ARHGAP26: variants seen among roughly 807,000 people sequenced by gnomAD.
The protein encoded by ARHGAP26 is rho GTPase-activating protein 26.
A neutral mutation model predicts 104.8 loss-of-function variants in ARHGAP26; 38 were observed. The observed-to-expected ratio is 0.36, with a 90% confidence interval of 0.28 to 0.48. The LOEUF is 0.48. Ranked by LOEUF, ARHGAP26 falls within the 20% of genes least tolerant of loss-of-function variation. The probability of loss-of-function intolerance (pLI) is 0.99; values close to 1 mark genes in which losing one functional copy is unlikely to be tolerated. For missense variants in ARHGAP26, 704 were observed against 947.9 expected, an observed-to-expected ratio of 0.74 and a Z score of 3.38; for synonymous variants, 341 against 340.0, an observed-to-expected ratio of 1.00 and a Z score of -0.03.
At chr5:143,003,578 A>C (rs964843243) in intron 11 of ARHGAP26, among the ~76,000 whole-genome samples, 3 of 152,222 alleles carry the variant, frequency 2.0e-5, no homozygotes, top group Admixed American at 6.5e-5. Context: ...ATAAGAATGA[A>C]AAATTTTATT....
At chr5:142,984,389 C>T (rs1305502216) in intron 11 of ARHGAP26, among the ~76,000 whole-genome samples, 3 of 152,202 alleles carry the variant, frequency 2.0e-5, no homozygotes, top group African/African-American at 7.2e-5. Flanking sequence ...AGCTGTCACA[C>T]TTGTTTCTAA....
chr5:143,102,427 G>T (rs1177670961), intron 17 of ARHGAP26, among the ~76,000 whole-genome samples: 1 of 152,166 alleles, frequency 6.6e-6, no homozygotes, highest in Non-Finnish European at 1.5e-5. Context: ...GTGCTTGTTT[G>T]ACTCTCCTAG....
In ARHGAP26 at chr5:142,875,466, G is replaced by C. The variant is rs533006130; in HGVS notation, c.312+295G>C. ...ATCTTTTGAATTATTTCACTTTTTT[G>C]GGCGTCGGATTCTCTACCAGCAGAA... On this transcript the variant is annotated intron_variant, in intron 3 of 22. Coordinates refer to ENST00000645722, the MANE Select transcript of ARHGAP26 (RefSeq NM_001135608.3). Among the ~76,000 whole-genome samples the C allele has an allele frequency of 8.6e-5, 13 of 151,994 alleles. No homozygotes were observed. In the South Asian group the frequency reaches 2.1e-3, roughly 24 times the overall value.
chr5:143,151,621 A>G (rs1799854386), intron 20 of ARHGAP26, among the ~76,000 whole-genome samples: 1 of 152,238 alleles, frequency 6.6e-6, no homozygotes, highest in South Asian at 2.1e-4. Context: ...TCCAGCCATG[A>G]AAAGACATGG....
chr5:142,778,017 A>G (rs1275539964), intron 1 of ARHGAP26, among the ~76,000 whole-genome samples: 1 of 151,418 alleles, frequency 6.6e-6, no homozygotes. Context: ...AGCTGTTGTA[A>G]TAGTTGAGGT....
intron 9 of ARHGAP26, among the ~76,000 whole-genome samples, chr5:142,912,420 A>T (rs1229442578): frequency 6.6e-6 from 1 of 152,208 alleles, no homozygotes; most frequent in Admixed American, 6.5e-5. Context: ...AGGAGGAGGG[A>T]TGGATTGCCA....
At chr5:143,038,294 A>T (rs1174793537) in intron 13 of ARHGAP26, among the ~76,000 whole-genome samples, 1 of 152,184 alleles carries the variant, frequency 6.6e-6, no homozygotes, top group African/African-American at 2.4e-5. Context: ...GAGGGAAGAG[A>T]GAGAATTTAA....
rs1330832461 is a variant in ARHGAP26 at position 142,772,704 on chromosome 5, T to G, written c.154+1789T>G. 9.5e-6 allele frequency: 5 copies of G among 528,676 alleles called. No homozygotes were observed. The East Asian group carries it at 2.7e-4, about 29-fold the overall frequency. 32.7% of individuals were successfully genotyped at this position (528,676 alleles called of 1,614,324 possible). ...TAGCAGCAGGACCAGAGCTTTTGAA[T>G]CCACCTGGTTTGAGCCAGAGATGGA... On this transcript the variant is annotated intron_variant, in intron 1 of 22. Coordinates refer to ENST00000645722, the MANE Select transcript of ARHGAP26 (RefSeq NM_001135608.3).
At chr5:143,191,875 A>T (rs1412640383) in intron 20 of ARHGAP26, among the ~76,000 whole-genome samples, 1 of 152,200 alleles carries the variant, frequency 6.6e-6, no homozygotes, top group East Asian at 1.9e-4. Context: ...AGGCAAGCCG[A>T]CAAGTGGCCA....
At chr5:142,825,843 C>T (rs895349513) in intron 1 of ARHGAP26, among the ~76,000 whole-genome samples, 4 of 152,146 alleles carry the variant, frequency 2.6e-5, no homozygotes, top group Non-Finnish European at 4.4e-5. Context: ...GTGTCCTTGG[C>T]GGAATCCCTC....
chr5:142,810,868 C>G (rs1763941588), intron 1 of ARHGAP26, among the ~76,000 whole-genome samples: 2 of 152,212 alleles, frequency 1.3e-5, no homozygotes, highest in African/African-American at 4.8e-5. Context: ...TTGTGTCCTA[C>G]ATAAAGCGAT....
intron 1 of ARHGAP26, among the ~76,000 whole-genome samples, chr5:142,811,853 G>A (rs1764135464): frequency 6.6e-6 from 1 of 152,200 alleles, no homozygotes; most frequent in Non-Finnish European, 1.5e-5. Context: ...TCTGGCTTCA[G>A]TAGCACCCAA....
chr5:143,060,576 A>T (rs899776148), intron 17 of ARHGAP26, among the ~76,000 whole-genome samples: 6 of 152,010 alleles, frequency 3.9e-5, no homozygotes, highest in Admixed American at 3.9e-4. Context: ...ATAGGCAACC[A>T]TGCACATATT....
At chr5:142,911,540 T>G (rs954603926) in intron 9 of ARHGAP26, among the ~76,000 whole-genome samples, 1 of 152,244 alleles carries the variant, frequency 6.6e-6, no homozygotes, top group Admixed American at 6.5e-5. Context: ...TAACTTTTCA[T>G]TTACTTGTTT....
chr5:142,771,234 C>A, intron 1 of ARHGAP26: 3 of 1,252,128 alleles, frequency 2.4e-6, no homozygotes, highest in Non-Finnish European at 3.0e-6. Context: ...GCCAGAGTGC[C>A]GAGCGCGCCG....
chr5:143,100,863 G>A (rs538810272), intron 17 of ARHGAP26, among the ~76,000 whole-genome samples: 32 of 152,306 alleles, frequency 2.1e-4, no homozygotes, highest in African/African-American at 7.7e-4. Context: ...GGCCAATGCG[G>A]GAGGATCACT....
intron 17 of ARHGAP26, among the ~76,000 whole-genome samples, chr5:143,074,816 T>C (rs1056521056): frequency 2.0e-5 from 3 of 152,384 alleles, no homozygotes; most frequent in Middle Eastern, 3.4e-3. Flanking sequence ...GCAGCTGTTA[T>C]ATCACATGCC....
At chr5:142,803,111 T>C (rs554424114) in intron 1 of ARHGAP26, among the ~76,000 whole-genome samples, 259 of 152,312 alleles carry the variant, frequency 1.7e-3, no homozygotes, top group Non-Finnish European at 2.2e-3. Context: ...GAAAGAATGG[T>C]TAATTGAACT....
At chr5:142,941,987 C>T (rs920431247) in intron 11 of ARHGAP26, among the ~76,000 whole-genome samples, 3 of 151,990 alleles carry the variant, frequency 2.0e-5, no homozygotes, top group Non-Finnish European at 2.9e-5. Context: ...AGATGAGGAT[C>T]GGTCACATTA....
Sources: gnomAD v4.1 joint callset for allele counts (sites outside exome capture counted in the v4.1 genomes callset) on GRCh38, gnomAD v4.1.1 for gene constraint, MANE v1.5 for transcripts, NCBI Gene and HGNC (gene_info 2026-07-23, HGNC 2026-07-21) for gene names.